PRMT9: variants seen among roughly 807,000 people sequenced by gnomAD.
The protein encoded by PRMT9 is protein arginine methyltransferase 9.
A neutral mutation model predicts 83.2 loss-of-function variants in PRMT9; 59 were observed. That is an observed-to-expected ratio of 0.71 (90% CI 0.57 to 0.88). The LOEUF is 0.88. PRMT9 is among the 40% of genes least tolerant of loss of function. The pLI is 0.00. For synonymous variants in PRMT9, 333 were observed against 353.2 expected (o/e 0.94, Z 0.64); for missense variants, 947 against 1,021.9 (o/e 0.93, Z 1.00).
chr4:147,677,006 T>C (rs1736131410), intron 2 of PRMT9, among the ~76,000 whole-genome samples: 1 of 142,204 alleles, frequency 7.0e-6, no homozygotes, highest in African/African-American at 2.7e-5. Flanking sequence ...ATCCTGCCAC[T>C]GCACTCCAGC....
chr4:147,664,735 A>G (rs1735204958), intron 6 of PRMT9, among the ~76,000 whole-genome samples: 3 of 152,154 alleles, frequency 2.0e-5, no homozygotes, highest in Non-Finnish European at 2.9e-5. Flanking sequence ...GCAAACCACC[A>G]TGGCACATGT....
At chr4:147,670,858 A>G in intron 4 of PRMT9, 115 bp from the exon 5 acceptor site, 1 of 710,650 alleles carries the variant, frequency 1.4e-6, no homozygotes. Context: ...CATATGTAAT[A>G]TATCCTAATA....
intron 7 of PRMT9, 29 bp downstream of exon 7, chr4:147,660,817 C>G (rs1404859655): frequency 1.6e-5 from 24 of 1,469,354 alleles, no homozygotes; most frequent in Non-Finnish European, 2.2e-5. Flanking sequence ...AAATTTAATG[C>G]TTGAAAATAG....
In PRMT9 at chr4:147,654,133, G is replaced by C; in HGVS notation, c.1764C>G (p.Ser588=). The change falls in exon 9 of 12, where the codon TCC becomes TCG. Residue 588 remains serine (S), a synonymous_variant. Transcript: ENST00000322396. ...ILEPFYVLDV[S]EGFSVLPVIA... is the part of the protein sequence containing the mutation. ...TAACAGGCAGAACAGAGAAGCCTTC[G>C]GACACATCTAACACGTAGAAAGGTT... 1 of 1,614,138 alleles carries C rather than the reference G, an allele frequency of 6.2e-7. No homozygotes were observed.
intron 6 of PRMT9, among the ~76,000 whole-genome samples, chr4:147,664,909 G>T (rs1053943844): frequency 1.3e-5 from 2 of 152,016 alleles, no homozygotes; most frequent in Non-Finnish European, 2.9e-5. Flanking sequence ...GAGGTCGGGA[G>T]TTCGAGACCA....
chr4:147,653,035 T>G (rs1334522324), intron 9 of PRMT9, among the ~76,000 whole-genome samples: 1 of 152,202 alleles, frequency 6.6e-6, no homozygotes. Flanking sequence ...TGCACACATA[T>G]ATGGATTCAT....
intron 9 of PRMT9, among the ~76,000 whole-genome samples, chr4:147,649,795 G>A (rs762436893): frequency 2.6e-4 from 40 of 152,016 alleles, no homozygotes; most frequent in South Asian, 6.2e-4. Flanking sequence ...ATGAGCCACC[G>A]CATCCAGCAA....
chr4:147,642,816 T>C lies in PRMT9; in HGVS notation c.2170A>G (p.Asn724Asp), dbSNP rs1331361393. Reference protein sequence around the residue: ...VQGTERTLGLNIAPFINQFQV... With the variant: ...VQGTERTLGLDIAPFINQFQV... ...AACTGGTTAATAAAAGGTGCTATATTTAATCCAAGAGTACGTTCTGTTCCT... is the reference window on the plus strand; with the variant it reads ...AACTGGTTAATAAAAGGTGCTATATCTAATCCAAGAGTACGTTCTGTTCCT... Residue 724 changes from asparagine to aspartate, a missense_variant, in exon 10 of 12, where the codon AAT becomes GAT. Transcript: ENST00000322396. The C allele has an allele frequency of 1.9e-6, 3 of 1,614,052 alleles. No individual in the cohort carries two copies. The highest frequency in any genetic ancestry group is 2.5e-6 in the Non-Finnish European group (3 of 1,179,898).
intron 6 of PRMT9, among the ~76,000 whole-genome samples, chr4:147,667,520 G>T (rs1383295467): frequency 1.3e-5 from 2 of 152,160 alleles, no homozygotes; most frequent in African/African-American, 4.8e-5. Flanking sequence ...TCCACTGTCT[G>T]GTTAGTGCCC....
chr4:147,651,618 T>C (rs1261178778), intron 9 of PRMT9, among the ~76,000 whole-genome samples: 2 of 152,192 alleles, frequency 1.3e-5, no homozygotes, highest in Non-Finnish European at 2.9e-5. Flanking sequence ...AAAAAGTGTA[T>C]GAAAAGATGC....
At chr4:147,645,178 A>T (rs1016743528) in intron 9 of PRMT9, among the ~76,000 whole-genome samples, 7 of 152,140 alleles carry the variant, frequency 4.6e-5, no homozygotes, top group Non-Finnish European at 1.0e-4. Context: ...GATCATTAAA[A>T]CCTAAACAAG....
In PRMT9 at chr4:147,683,731, TTC is replaced by T; in HGVS notation, c.189+66_189+67del. Reference sequence around the variant, plus strand: ...CCCTAGCCCCTCCGCTTTTTTTTTTTTCTGTTTTTTTTTTTTTTTTTACGAGG... The same window carrying T: ...CCCTAGCCCCTCCGCTTTTTTTTTTTTGTTTTTTTTTTTTTTTTTACGAGG... On this transcript the variant is annotated intron_variant, in intron 1 of 11. Transcript: ENST00000322396. The T allele has an allele frequency of 6.3e-4, 812 of 1,279,560 alleles. 3 individuals carry two copies. The highest frequency in any genetic ancestry group is 1.1e-3 in the East Asian group (45 of 39,540). 79.3% of individuals were successfully genotyped at this position (1,279,560 alleles called of 1,614,324 possible).
Position 147,651,445 on chromosome 4 carries a change from G to T in PRMT9, c.2045+2407C>A, listed in dbSNP as rs189244154. ...AAGGAAATGATCAAAAGAGTGAAAA[G>T]GCAACCTATGAAGTGGGAAAAAAAT... On this transcript the variant is annotated intron_variant, in intron 9 of 11. Coordinates refer to ENST00000322396, the MANE Select transcript of PRMT9 (RefSeq NM_138364.4). Among the ~76,000 whole-genome samples the T allele has an allele frequency of 5.7e-3, 864 of 152,174 alleles. 11 individuals carry two copies. The highest frequency in any genetic ancestry group is 0.019 in the African/African-American group (802 of 41,520).
At chr4:147,653,332 C>T (rs1338989004) in intron 9 of PRMT9, among the ~76,000 whole-genome samples, 1 of 151,852 alleles carries the variant, frequency 6.6e-6, no homozygotes, top group Non-Finnish European at 1.5e-5. Flanking sequence ...ATCCTAGCTA[C>T]TTGGGAAGCT....
At chr4:147,675,614 T>G (rs1479232743) in intron 2 of PRMT9, among the ~76,000 whole-genome samples, 1 of 152,146 alleles carries the variant, frequency 6.6e-6, no homozygotes, top group Non-Finnish European at 1.5e-5. Flanking sequence ...TCCCTTAGGT[T>G]TGATATTTAA....
At chr4:147,660,018 G>C (rs150930681) in intron 7 of PRMT9, among the ~76,000 whole-genome samples, 107 of 152,092 alleles carry the variant, frequency 7.0e-4, no homozygotes, top group Non-Finnish European at 1.3e-3. Flanking sequence ...CTTCAGTCCT[G>C]GACAAACCAT....
Position 147,639,024 on chromosome 4 carries a change from G to A in PRMT9, c.2258C>T (p.Pro753Leu). 6.2e-7 allele frequency: 1 copy of A among 1,612,198 alleles called. No homozygotes were observed. The highest frequency in any genetic ancestry group is 1.1e-5 in the South Asian group (1 of 91,048). The change falls in exon 11 of 12, where the codon CCA (proline) becomes CTA (leucine). Residue 753 changes from proline to leucine, a missense_variant. Pro to Leu is a moderately conservative substitution (Grantham distance 98). Transcript: ENST00000322396. ...SSLPCIPLSK[P>L]VELLRLDLMT... Reference sequence around the variant, plus strand: ...TAAATCTAGTCTTAAGAGTTCCACTGGCTTGCTTAAAGGTATACAGGGCAA... The same window carrying A: ...TAAATCTAGTCTTAAGAGTTCCACTAGCTTGCTTAAAGGTATACAGGGCAA...
intron 5 of PRMT9, 105 bp from the exon 6 acceptor site, chr4:147,668,750 A>C: frequency 1.3e-6 from 1 of 753,788 alleles, no homozygotes; most frequent in Non-Finnish European, 2.2e-6. Flanking sequence ...AAAAGACAAT[A>C]AGTAAGGATA....
intron 10 of PRMT9, among the ~76,000 whole-genome samples, chr4:147,640,009 C>A (rs987283710): frequency 6.6e-6 from 1 of 150,500 alleles, no homozygotes; most frequent in Non-Finnish European, 1.5e-5. Flanking sequence ...TGAACCCATA[C>A]CTCATAGTCG....
Sources: gnomAD v4.1 joint callset for allele counts (sites outside exome capture counted in the v4.1 genomes callset) on GRCh38, gnomAD v4.1.1 for gene constraint, MANE v1.5 for transcripts, NCBI Gene and HGNC (gene_info 2026-07-23, HGNC 2026-07-21) for gene names.